Variants in LRFN5 observed in about 807,000 individuals in gnomAD.
LRFN5 encodes the protein leucine-rich repeat and fibronectin type-III domain-containing protein 5.
Under a neutral mutation model 45.6 loss-of-function variants are expected in LRFN5, and 24 were observed. That is an observed-to-expected ratio of 0.53 (90% CI 0.38 to 0.74). The LOEUF (loss-of-function observed/expected upper bound fraction) is 0.74, where lower values mean the gene tolerates loss of function less well. Ranked by LOEUF, LRFN5 falls within the 30% of genes least tolerant of loss-of-function variation. LRFN5 has a pLI of 0.00. For missense variants in LRFN5, 776 were observed against 861.5 expected (o/e 0.90, Z 1.24); for synonymous variants, 340 against 313.8 (o/e 1.08, Z -0.88).
chr14:41,637,274 T>A (rs1671283060), intron 1 of LRFN5, among the ~76,000 whole-genome samples: 1 of 152,180 alleles, frequency 6.6e-6, no homozygotes, highest in Non-Finnish European at 1.5e-5. Context: ...TCTCTTTTCT[T>A]GTGCTTCCAT....
intron 2 of LRFN5, among the ~76,000 whole-genome samples, chr14:41,775,336 A>G (rs138894485): frequency 0.011 from 1,603 of 151,612 alleles, 28 homozygotes; most frequent in African/African-American, 0.037. Flanking sequence ...TGATCCGCCC[A>G]CCTCCGCCTT....
chr14:41,693,637 T>G (rs1214315672), intron 1 of LRFN5, among the ~76,000 whole-genome samples: 1 of 152,066 alleles, frequency 6.6e-6, no homozygotes, highest in Non-Finnish European at 1.5e-5. Flanking sequence ...TGTTGTTGGC[T>G]TTTACATATT....
chr14:41,818,604 G>T (rs1594437228), intron 2 of LRFN5, among the ~76,000 whole-genome samples: 1 of 151,878 alleles, frequency 6.6e-6, no homozygotes, highest in East Asian at 1.9e-4. Context: ...TGGGCTAATT[G>T]GCTATATTCT....
intron 2 of LRFN5, among the ~76,000 whole-genome samples, chr14:41,856,814 C>A (rs901203524): frequency 1.4e-5 from 2 of 146,108 alleles, no homozygotes; most frequent in Non-Finnish European, 3.0e-5. Flanking sequence ...GTAGCTGGGA[C>A]TACAGGCGCC....
At chr14:41,707,483 A>G (rs1883113406) in intron 1 of LRFN5, among the ~76,000 whole-genome samples, 2 of 152,156 alleles carry the variant, frequency 1.3e-5, no homozygotes, top group African/African-American at 4.8e-5. Context: ...GATTTAAATT[A>G]GATTTTGTCT....
rs1484870026 is a variant in LRFN5, at chr14:41,725,051, T to C, written c.-196-41803T>C. Among the ~76,000 whole-genome samples, 6 of 152,244 alleles carry C rather than the reference T, an allele frequency of 3.9e-5. No homozygotes were observed. In the South Asian group the frequency reaches 8.3e-4, roughly 21 times the overall value. ...ACTAGGATATTTTGCCTTGGGGCTA[T>C]GTATTTTCCCTTTCTTGTTTCTTAG... On this transcript the variant is annotated intron_variant, in intron 1 of 5. Transcript: ENST00000298119.
chr14:41,638,771 A>G (rs1879426667), intron 1 of LRFN5, among the ~76,000 whole-genome samples: 1 of 152,102 alleles, frequency 6.6e-6, no homozygotes, highest in Admixed American at 6.6e-5. Context: ...TATGTAATGT[A>G]TAAACAGATT....
intron 2 of LRFN5, among the ~76,000 whole-genome samples, chr14:41,876,207 T>C (rs558614386): frequency 2.0e-5 from 3 of 152,186 alleles, no homozygotes; most frequent in South Asian, 4.2e-4. Context: ...TATTTGTTCA[T>C]GTTTCCTATA....
At chr14:41,644,502 A>G (rs999955055) in intron 1 of LRFN5, among the ~76,000 whole-genome samples, 2 of 152,152 alleles carry the variant, frequency 1.3e-5, no homozygotes, top group African/African-American at 4.8e-5. Context: ...TTTACTTAAT[A>G]TGCGTCCAGT....
rs564492206 is a variant in LRFN5 at position 41,819,348 on chromosome 14, G to A, written c.-21+52319G>A. On this transcript the variant is annotated intron_variant, in intron 2 of 5. Transcript: ENST00000298119. Reference sequence around the variant, plus strand: ...TATACTAAATTGTATAACCAATAATGTATAAGTGTTCCCTTTACATTCATA... The same window carrying A: ...TATACTAAATTGTATAACCAATAATATATAAGTGTTCCCTTTACATTCATA... Among the ~76,000 whole-genome samples the A allele has an allele frequency of 1.2e-4, 19 of 152,152 alleles. 1 individual carries two copies. The highest frequency in any genetic ancestry group is 3.6e-4 in the African/African-American group (15 of 41,518).
At chr14:41,838,629 G>A (rs1246094359) in intron 2 of LRFN5, among the ~76,000 whole-genome samples, 1 of 152,106 alleles carries the variant, frequency 6.6e-6, no homozygotes, top group African/African-American at 2.4e-5. Context: ...GGTGCAGGGA[G>A]TAAAGAAATA....
intron 1 of LRFN5, among the ~76,000 whole-genome samples, chr14:41,648,023 CATATCT>C (rs1326896869): frequency 2.0e-5 from 3 of 152,166 alleles, no homozygotes; most frequent in African/African-American, 4.8e-5. Context: ...CCTATATTAA[CATATCT>C]ACATCTATAT....
chr14:41,861,706 G>C (rs540040004), intron 2 of LRFN5, among the ~76,000 whole-genome samples: 1 of 152,152 alleles, frequency 6.6e-6, no homozygotes, highest in Non-Finnish European at 1.5e-5. Context: ...TGTGAGATAC[G>C]TTAATTTTAA....
At chr14:41,817,002 T>TTG (rs1367921360) in intron 2 of LRFN5, among the ~76,000 whole-genome samples, 2 of 150,832 alleles carry the variant, frequency 1.3e-5, no homozygotes, top group Non-Finnish European at 3.0e-5. Flanking sequence ...TGGGAAGTTT[T>TTG]TTTTTTTTTT....
At chr14:41,878,133 A>G (rs574413081) in intron 2 of LRFN5, among the ~76,000 whole-genome samples, 1 of 152,278 alleles carries the variant, frequency 6.6e-6, no homozygotes, top group Non-Finnish European at 1.5e-5. Flanking sequence ...AAAACCTAAA[A>G]TATTTGAAAT....
chr14:41,782,737 G>A (rs1663248780), intron 2 of LRFN5, among the ~76,000 whole-genome samples: 1 of 152,134 alleles, frequency 6.6e-6, no homozygotes, highest in African/African-American at 2.4e-5. Context: ...AATTCTTTCA[G>A]TGTACTTATT....
intron 2 of LRFN5, among the ~76,000 whole-genome samples, chr14:41,885,585 C>T (rs1444114092): frequency 6.6e-6 from 1 of 152,102 alleles, no homozygotes; most frequent in Non-Finnish European, 1.5e-5. Flanking sequence ...GCACTGACGG[C>T]TGCTTCCCAG....
chr14:41,635,031 G>C (rs1460898963), intron 1 of LRFN5, among the ~76,000 whole-genome samples: 1 of 151,862 alleles, frequency 6.6e-6, no homozygotes, highest in Admixed American at 6.6e-5. Context: ...TACAATCGGG[G>C]AATTATTATA....
At chr14:41,824,343 C>T (rs1192231722) in intron 2 of LRFN5, among the ~76,000 whole-genome samples, 1 of 152,188 alleles carries the variant, frequency 6.6e-6, no homozygotes, top group Non-Finnish European at 1.5e-5. Flanking sequence ...TCTTCCCTCC[C>T]AAAGGGTGTG....
Sources: allele counts gnomAD v4.1 joint callset (sites outside exome capture counted in the v4.1 genomes callset), GRCh38; gene constraint gnomAD v4.1.1; transcripts MANE v1.5; gene names NCBI Gene and HGNC (gene_info 2026-07-23, HGNC 2026-07-21).